The following CLEC3B variants were observed in gnomAD, a reference collection of about 807,000 sequenced individuals.
The protein encoded by CLEC3B is C-type lectin domain family 3 member B, also known as tetranectin.
Under a neutral mutation model 15.4 loss-of-function variants are expected in CLEC3B, and 13 were observed. That is an observed-to-expected ratio of 0.84 (90% confidence interval 0.55 to 1.34). CLEC3B has a LOEUF of 1.34. Ranked by LOEUF, CLEC3B falls within the 40% of genes most tolerant of loss-of-function variation. The pLI is 0.00. For missense variants in CLEC3B, 242 were observed against 268.6 expected, an observed-to-expected ratio of 0.90 and a Z score of 0.69; for synonymous variants, 112 against 114.7, an observed-to-expected ratio of 0.98 and a Z score of 0.15.
chr3:45,026,492 C>T (rs780593892), intron 1 of CLEC3B, 21 bp downstream of exon 1: 10 of 1,601,512 alleles, frequency 6.2e-6, no homozygotes, highest in South Asian at 1.1e-5. Context: ...GGACAGAGCC[C>T]TGTGCCATCT....
intron 2 of CLEC3B, among the ~76,000 whole-genome samples, chr3:45,033,225 G>A (rs1484365643): frequency 6.6e-6 from 1 of 152,138 alleles, no homozygotes; most frequent in African/African-American, 2.4e-5. Flanking sequence ...TGTAACCCAG[G>A]CATCAACTGC....
chr3:45,035,267 G>A (rs781254230), intron 2 of CLEC3B, among the ~76,000 whole-genome samples: 22 of 152,206 alleles, frequency 1.4e-4, no homozygotes, highest in Non-Finnish European at 2.2e-4. Context: ...TGTAGCACAA[G>A]GGCTGCCTTT....
intron 2 of CLEC3B, among the ~76,000 whole-genome samples, chr3:45,032,203 C>T (rs1697568297): frequency 6.6e-6 from 1 of 152,146 alleles, no homozygotes; most frequent in South Asian, 2.1e-4. Context: ...CTTCCCTTCC[C>T]CGCCTGCCTC....
At chr3:45,031,001 C>T in intron 2 of CLEC3B, 76 bp downstream of exon 2, 2 of 1,027,518 alleles carry the variant, frequency 1.9e-6, no homozygotes, top group Non-Finnish European at 2.9e-6. Flanking sequence ...CAATGCTCTT[C>T]TCGCCTCCGT....
intron 2 of CLEC3B, 57 bp downstream of exon 2, chr3:45,030,982 A>G: frequency 8.1e-7 from 1 of 1,235,320 alleles, no homozygotes; most frequent in South Asian, 1.3e-5. Flanking sequence ...GGCCCAGGCC[A>G]GCAGCCAGCA....
At chr3:45,030,430 G>A (rs747867975) in intron 1 of CLEC3B, among the ~76,000 whole-genome samples, 72 of 152,330 alleles carry the variant, frequency 4.7e-4, no homozygotes, top group Non-Finnish European at 3.5e-4. Flanking sequence ...GGTCTGTGTC[G>A]CATTCCTCCA....
In CLEC3B at chr3:45,026,425, C is replaced by T. The variant is rs534091806; in HGVS notation, c.63C>T (p.Thr21=). The T allele has an allele frequency of 5.6e-6, 9 of 1,614,170 alleles. No homozygotes were observed. The highest frequency in any genetic ancestry group is 1.3e-5 in the African/African-American group (1 of 75,048). ...TCTCCCTCCTGACCCAGGTCACCACCGAGCCACCAACCCAGAAGCCCAAGA... is the reference window on the plus strand; with the variant it reads ...TCTCCCTCCTGACCCAGGTCACCACTGAGCCACCAACCCAGAAGCCCAAGA... ...CLFSLLTQVT[T]EPPTQKPKKI... Residue 21 remains threonine, a synonymous_variant, in exon 1 of 3, where the codon ACC becomes ACT. Transcript: ENST00000296130.
chr3:45,031,136 T>A (rs987365148), intron 2 of CLEC3B, among the ~76,000 whole-genome samples: 1 of 152,234 alleles, frequency 6.6e-6, no homozygotes, highest in Non-Finnish European at 1.5e-5. Context: ...CCTGGATGTG[T>A]ACGGCCAAAT....
chr3:45,035,460 C>CG (rs1043870637), intron 2 of CLEC3B, 64 bp from the exon 3 acceptor site: 31 of 1,543,714 alleles, frequency 2.0e-5, no homozygotes, highest in Non-Finnish European at 2.5e-5. Flanking sequence ...TTGGCCTGGG[C>CG]GGTTGGCTCT....
chr3:45,036,030 C>G lies in CLEC3B; in HGVS notation c.*106C>G. 3.9e-6 allele frequency: 5 copies of G among 1,277,074 alleles called. No homozygotes were observed. Among genetic ancestry groups the G allele is most frequent in the Non-Finnish European group, 5.2e-6 (5 of 954,056 alleles). The allele number at this position is 1,277,074 out of a possible 1,614,324, so 79.1% of individuals were successfully genotyped here. On this transcript the variant is annotated 3_prime_UTR_variant, in exon 3 of 3. Transcript: ENST00000296130. ...CCCCATCCTCTCCGTGCGCTTGGAG[C>G]CTCTTTTTGCAAATAAAGTTGGTGC...
chr3:45,035,305 TC>T (rs1697621819), intron 2 of CLEC3B, among the ~76,000 whole-genome samples: 1 of 152,066 alleles, frequency 6.6e-6, no homozygotes, highest in African/African-American at 2.4e-5. Context: ...CACCAAGACC[TC>T]CTGAGTGGGG....
chr3:45,030,290 T>C, intron 1 of CLEC3B: 1 of 922,486 alleles, frequency 1.1e-6, no homozygotes, highest in Non-Finnish European at 1.3e-6. Context: ...TCCTAGGAGG[T>C]GGGGCTGTCA....
intron 2 of CLEC3B, chr3:45,034,549 A>G (rs1210287571): frequency 3.1e-4 from 47 of 152,244 alleles, no homozygotes; most frequent in Admixed American, 3.1e-3. Context: ...TCTTTAGTAA[A>G]AGGTGAACGA....
In CLEC3B at chr3:45,035,984, G is replaced by T; in HGVS notation, c.*60G>T. 2 of 1,463,540 alleles carry T rather than the reference G, an allele frequency of 1.4e-6. No homozygotes were observed. The highest frequency in any genetic ancestry group is 1.8e-6 in the Non-Finnish European group (2 of 1,098,800). The allele number at this position is 1,463,540 out of a possible 1,614,324, so 90.7% of individuals were successfully genotyped here. On this transcript the variant is annotated 3_prime_UTR_variant, in exon 3 of 3. Coordinates refer to ENST00000296130, the MANE Select transcript of CLEC3B (RefSeq NM_003278.3). ...GGGCAGGGGCCGCGGGAGGCCGGGA[G>T]GAGGGTGGGGACCTTGCAGCCCCCA...
chr3:45,035,461 G>A (rs1697625403), intron 2 of CLEC3B, 63 bp from the exon 3 acceptor site: 1 of 1,545,160 alleles, frequency 6.5e-7, no homozygotes, highest in Non-Finnish European at 8.7e-7. Context: ...TGGCCTGGGC[G>A]GTTGGCTCTT....
At position 45,035,801 on chromosome 3, in the gene CLEC3B, C is replaced by T. The variant is rs768107723; in HGVS notation, c.486C>T (p.Thr162=). Residue 162 remains threonine (T), a synonymous_variant, in exon 3 of 3, where the codon ACC becomes ACT. Coordinates refer to ENST00000296130, the MANE Select transcript of CLEC3B (RefSeq NM_003278.3). ...IAYKNWETEI[T]AQPDGGKTEN... ...ACAAGAACTGGGAGACTGAGATCAC[C>T]GCGCAACCCGATGGCGGCAAGACCG... The T allele has an allele frequency of 1.2e-5, 20 of 1,613,384 alleles. No homozygotes were observed. The highest frequency in any genetic ancestry group is 1.7e-5 in the Admixed American group (1 of 60,010).
Position 45,035,672 on chromosome 3 carries a change from G to C in CLEC3B, c.357G>C (p.Glu119Asp). 1 of 1,613,774 alleles carries C rather than the reference G, an allele frequency of 6.2e-7. No homozygotes were observed. The highest frequency in any genetic ancestry group is 8.5e-7 in the Non-Finnish European group (1 of 1,180,036). Residue 119 changes from glutamate (E) to aspartate (D), a missense_variant, in exon 3 of 3, where the codon GAG (glutamate) becomes GAC (aspartate). Transcript: ENST00000296130. ...QTGSENDALYEYLRQSVGNEA... is the reference protein window; with the variant it reads ...QTGSENDALYDYLRQSVGNEA... ...GCTCGGAGAACGACGCCCTGTATGA[G>C]TACCTGCGCCAGAGCGTGGGCAACG...
chr3:45,026,343 GCCCCCGC>G lies in CLEC3B; in HGVS notation c.-17_-11del. 1 of 1,606,738 alleles carries G rather than the reference GCCCCCGC, an allele frequency of 6.2e-7. No homozygotes were observed. Among genetic ancestry groups the G allele is most frequent in the South Asian group, 1.1e-5 (1 of 90,520 alleles). ...CCCAGACCCGCTGCAGGCAGCAGCA[GCCCCCGC>G]CCGCGCAGCAGCATGGAGCTCTGGG... is the stretch of plus-strand genomic sequence containing the variant. On this transcript the variant is annotated 5_prime_UTR_variant, in exon 1 of 3. Transcript: ENST00000296130.
At chr3:45,030,559 C>T (rs1257110883) in intron 1 of CLEC3B, among the ~76,000 whole-genome samples, 2 of 152,158 alleles carry the variant, frequency 1.3e-5, no homozygotes, top group Admixed American at 6.5e-5. Flanking sequence ...TGTGCCTACA[C>T]CCTCACCCCT....
Sources: gnomAD v4.1 joint callset for allele counts (sites outside exome capture counted in the v4.1 genomes callset) on GRCh38, gnomAD v4.1.1 for gene constraint, MANE v1.5 for transcripts, NCBI Gene and HGNC (gene_info 2026-07-23, HGNC 2026-07-21) for gene names.